The following SGCZ variants were observed in gnomAD, a reference collection of about 807,000 sequenced individuals.
SGCZ encodes the protein zeta-sarcoglycan.
A neutral mutation model predicts 41.3 loss-of-function variants in SGCZ; 40 were observed. That is an observed-to-expected ratio of 0.97 (90% CI 0.75 to 1.26). The LOEUF (loss-of-function observed/expected upper bound fraction) is 1.26, where lower values mean the gene tolerates loss of function less well. Ranked by LOEUF, SGCZ falls within the 50% of genes most tolerant of loss-of-function variation. The pLI, the probability that SGCZ is intolerant of heterozygous loss-of-function variation, is 0.00. For missense variants in SGCZ, 552 were observed against 369.8 expected (o/e 1.49, Z -4.04); for synonymous variants, 206 against 137.5 (o/e 1.50, Z -3.49).
intron 1 of SGCZ, among the ~76,000 whole-genome samples, chr8:15,027,222 T>C (rs2130952527): frequency 6.6e-6 from 1 of 152,270 alleles, no homozygotes; most frequent in African/African-American, 2.4e-5. Flanking sequence ...TACTGACATT[T>C]TTGAAATTCC....
chr8:14,600,655 T>A (rs1410003629), intron 1 of SGCZ, among the ~76,000 whole-genome samples: 1 of 152,178 alleles, frequency 6.6e-6, no homozygotes. Flanking sequence ...TGATAAAGGT[T>A]ATCACAGCAC....
intron 2 of SGCZ, among the ~76,000 whole-genome samples, chr8:14,500,713 A>G (rs1802127362): frequency 6.6e-6 from 1 of 152,068 alleles, no homozygotes; most frequent in Admixed American, 6.6e-5. Flanking sequence ...TTCCCATGTA[A>G]AAATTACTAT....
intron 1 of SGCZ, among the ~76,000 whole-genome samples, chr8:14,844,349 C>T (rs1334191403): frequency 6.6e-6 from 1 of 152,126 alleles, no homozygotes; most frequent in African/African-American, 2.4e-5. Context: ...TGTCCCTTCC[C>T]TATGAGAGAA....
At chr8:14,638,680 G>A (rs1454218994) in intron 1 of SGCZ, among the ~76,000 whole-genome samples, 1 of 151,704 alleles carries the variant, frequency 6.6e-6, no homozygotes, top group East Asian at 1.9e-4. Context: ...GCTCTGCTCA[G>A]TTGTTTTCTC....
At chr8:14,708,089 T>A (rs1563216405) in intron 1 of SGCZ, among the ~76,000 whole-genome samples, 1 of 152,078 alleles carries the variant, frequency 6.6e-6, no homozygotes, top group Non-Finnish European at 1.5e-5. Context: ...TTTTCTACCA[T>A]AATTTCAAGT....
At chr8:15,158,663 T>C (rs10503539) in intron 1 of SGCZ, among the ~76,000 whole-genome samples, 11,974 of 152,232 alleles carry the variant, frequency 0.079, 492 homozygotes, top group African/African-American at 0.088. Context: ...GTGGAAAATA[T>C]CTGGGTAGGT....
At chr8:14,372,719 T>C (rs963325181) in intron 2 of SGCZ, among the ~76,000 whole-genome samples, 2 of 151,996 alleles carry the variant, frequency 1.3e-5, no homozygotes, top group African/African-American at 4.8e-5. Flanking sequence ...AGATAAGAAA[T>C]GCGAAGACTC....
chr8:14,419,825 A>T (rs1193318421), intron 2 of SGCZ, among the ~76,000 whole-genome samples: 2 of 152,078 alleles, frequency 1.3e-5, no homozygotes, highest in Non-Finnish European at 2.9e-5. Context: ...GGAAATAAGC[A>T]TACGGAATAC....
At chr8:14,706,734 A>C (rs1170643102) in intron 1 of SGCZ, among the ~76,000 whole-genome samples, 1 of 152,140 alleles carries the variant, frequency 6.6e-6, no homozygotes, top group Non-Finnish European at 1.5e-5. Context: ...CTAACACTAA[A>C]GTAGTAAGCG....
chr8:14,481,908 T>G (rs924992932), intron 2 of SGCZ, among the ~76,000 whole-genome samples: 7 of 152,104 alleles, frequency 4.6e-5, no homozygotes, highest in Non-Finnish European at 7.4e-5. Context: ...TTTTCCGCAG[T>G]TGAGAAGAGA....
At chr8:14,600,622 C>T (rs1170500329) in intron 1 of SGCZ, among the ~76,000 whole-genome samples, 1 of 152,116 alleles carries the variant, frequency 6.6e-6, no homozygotes, top group Non-Finnish European at 1.5e-5. Flanking sequence ...ACAGGTGCTG[C>T]ACCCAGGAAT....
chr8:15,172,819 A>C (rs536641505), intron 1 of SGCZ, among the ~76,000 whole-genome samples: 1 of 152,294 alleles, frequency 6.6e-6, no homozygotes, highest in Admixed American at 6.5e-5. Context: ...AATACCACAA[A>C]CAAGATTTTA....
chr8:14,255,468 A>C (rs1025365402), intron 3 of SGCZ, among the ~76,000 whole-genome samples: 9 of 152,156 alleles, frequency 5.9e-5, no homozygotes, highest in African/African-American at 1.9e-4. Context: ...CATGTAAAAA[A>C]ATTTCTTGAG....
At chr8:14,371,981 A>C (rs1803928646) in intron 2 of SGCZ, among the ~76,000 whole-genome samples, 1 of 152,132 alleles carries the variant, frequency 6.6e-6, no homozygotes, top group South Asian at 2.1e-4. Context: ...AAGAAAACAA[A>C]AGCTAAATTT....
chr8:14,606,018 T>G (rs1362878267), intron 1 of SGCZ, among the ~76,000 whole-genome samples: 1 of 152,180 alleles, frequency 6.6e-6, no homozygotes, highest in Non-Finnish European at 1.5e-5. Flanking sequence ...CCTTTCTCTA[T>G]GTAAGCACCA....
intron 3 of SGCZ, among the ~76,000 whole-genome samples, chr8:14,273,891 G>T (rs538912225): frequency 6.6e-6 from 1 of 152,074 alleles, no homozygotes; most frequent in Non-Finnish European, 1.5e-5. Flanking sequence ...TCTGAAAGAG[G>T]TAAAAAATGT....
At chr8:14,758,951 T>G (rs1315431469) in intron 1 of SGCZ, among the ~76,000 whole-genome samples, 1 of 148,210 alleles carries the variant, frequency 6.7e-6, no homozygotes, top group Non-Finnish European at 1.5e-5. Context: ...GAGGTTGCAG[T>G]GAGCCAAGAT....
rs1354810381 is a variant in SGCZ, at chr8:14,112,280, T to TG, written c.548-4046_548-4045insC. ...TCATGAATTTTTTGAGTTTTTTTTTTTGTGGGGGGGGGGTGCAAAGAAGGG... is the reference window on the plus strand; with the variant it reads ...TCATGAATTTTTTGAGTTTTTTTTTTGTGTGGGGGGGGGGTGCAAAGAAGGG... On this transcript the variant is annotated intron_variant, in intron 5 of 7. Coordinates refer to ENST00000382080, the MANE Select transcript of SGCZ (RefSeq NM_139167.4). Among the ~76,000 whole-genome samples, 90 of 110,284 alleles carry TG rather than the reference T, an allele frequency of 8.2e-4. 2 individuals carry two copies. Among genetic ancestry groups the TG allele is most frequent in the Middle Eastern group, 4.3e-3 (1 of 234 alleles). The allele number at this position is 110,284 out of a possible 152,430, so 72.4% of individuals were successfully genotyped here. A position where few individuals can be genotyped will look rare whatever the true frequency, so the allele number is the denominator to read the frequency against.
At chr8:14,891,139 A>G (rs563677674) in intron 1 of SGCZ, among the ~76,000 whole-genome samples, 3 of 152,344 alleles carry the variant, frequency 2.0e-5, no homozygotes, top group Admixed American at 6.5e-5. Context: ...CCCATGGATC[A>G]AGGAATAATT....
Sources: gnomAD v4.1 joint callset for allele counts (sites outside exome capture counted in the v4.1 genomes callset) on GRCh38, gnomAD v4.1.1 for gene constraint, MANE v1.5 for transcripts, NCBI Gene and HGNC (gene_info 2026-07-23, HGNC 2026-07-21) for gene names.